Variants in GALNT17 observed in about 807,000 individuals in gnomAD.
The protein encoded by GALNT17 is UDP-GalNAc:polypeptide N-acetylgalactosaminyltransferase-like 3.
Under a neutral mutation model 63.7 loss-of-function variants are expected in GALNT17, and 29 were observed. That is an observed-to-expected ratio of 0.46 (90% CI 0.34 to 0.62). GALNT17 has a LOEUF of 0.62. Ranked by LOEUF, GALNT17 falls within the 20% of genes least tolerant of loss-of-function variation. The pLI is 0.01. For synonymous variants in GALNT17, 305 were observed against 318.3 expected (o/e 0.96, Z 0.45); for missense variants, 603 against 799.6 (o/e 0.75, Z 2.97).
intron 2 of GALNT17, among the ~76,000 whole-genome samples, chr7:71,376,639 T>C (rs1792734217): frequency 1.3e-5 from 2 of 151,750 alleles, no homozygotes; most frequent in Admixed American, 1.3e-4. Flanking sequence ...CAGGGAACTA[T>C]GGTAGAATTG....
chr7:71,481,877 A>C (rs1473594842), intron 5 of GALNT17, among the ~76,000 whole-genome samples: 1 of 152,044 alleles, frequency 6.6e-6, no homozygotes, highest in African/African-American at 2.4e-5. Context: ...TTGCTTGCTT[A>C]GGTTATAGCC....
chr7:71,680,851 CT>C (rs1164987480), intron 9 of GALNT17, among the ~76,000 whole-genome samples: 48 of 134,628 alleles, frequency 3.6e-4, no homozygotes, highest in Admixed American at 9.1e-4. Context: ...CTTTCCTTTC[CT>C]TTTTTCTTTC....
At chr7:71,227,340 G>A (rs1157010316) in intron 1 of GALNT17, among the ~76,000 whole-genome samples, 1 of 151,624 alleles carries the variant, frequency 6.6e-6, no homozygotes, top group Non-Finnish European at 1.5e-5. Flanking sequence ...CTCCAGCCTG[G>A]ATGAGAGAGC....
chr7:71,213,561 T>C (rs1310899170), intron 1 of GALNT17, among the ~76,000 whole-genome samples: 1 of 152,256 alleles, frequency 6.6e-6, no homozygotes, highest in East Asian at 1.9e-4. Flanking sequence ...ATTTACTCAG[T>C]AACCCAGCCG....
intron 5 of GALNT17, among the ~76,000 whole-genome samples, chr7:71,475,234 C>T (rs558505656): frequency 2.6e-5 from 4 of 152,252 alleles, no homozygotes; most frequent in South Asian, 2.1e-4. Flanking sequence ...AGGATGATTT[C>T]GGGATGATTC....
At chr7:71,345,675 C>T (rs1376358743) in intron 2 of GALNT17, among the ~76,000 whole-genome samples, 1 of 152,072 alleles carries the variant, frequency 6.6e-6, no homozygotes, top group Admixed American at 6.6e-5. Context: ...GCATGTGACT[C>T]GTATGTGTAT....
chr7:71,423,427 C>G (rs1298841812), intron 5 of GALNT17, among the ~76,000 whole-genome samples: 3 of 152,094 alleles, frequency 2.0e-5, no homozygotes, highest in Non-Finnish European at 4.4e-5. Flanking sequence ...ACTTGAGGAC[C>G]AAACTGACTC....
intron 1 of GALNT17, among the ~76,000 whole-genome samples, chr7:71,304,307 T>C (rs965510623): frequency 6.6e-6 from 1 of 152,232 alleles, no homozygotes; most frequent in Non-Finnish European, 1.5e-5. Flanking sequence ...CTAAGTTAAC[T>C]GAAACGGCGT....
intron 1 of GALNT17, among the ~76,000 whole-genome samples, chr7:71,217,222 A>G (rs368044801): frequency 4.8e-4 from 64 of 132,334 alleles, no homozygotes; most frequent in African/African-American, 1.7e-3. Context: ...ATGATCGCCC[A>G]CCTTGGCCTC....
In GALNT17 at chr7:71,668,375, G is replaced by T. The variant is rs571692099; in HGVS notation, c.1267-1597G>T. ...CCACTAAAAATGCAAAATTAGCTGGGTGAGGTGGCGCATGCCTTTAATTCC... is the reference window on the plus strand; with the variant it reads ...CCACTAAAAATGCAAAATTAGCTGGTTGAGGTGGCGCATGCCTTTAATTCC... On this transcript the variant is annotated intron_variant, in intron 7 of 10. Transcript: ENST00000333538. Among the ~76,000 whole-genome samples the T allele has an allele frequency of 3.8e-3, 571 of 152,084 alleles. 9 individuals carry two copies. The highest frequency in any genetic ancestry group is 0.013 in the African/African-American group (548 of 41,512).
chr7:71,280,426 C>T (rs1226561849), intron 1 of GALNT17, among the ~76,000 whole-genome samples: 1 of 152,134 alleles, frequency 6.6e-6, no homozygotes, highest in Non-Finnish European at 1.5e-5. Context: ...CCTCTACTTT[C>T]CACCTTCACC....
intron 6 of GALNT17, among the ~76,000 whole-genome samples, chr7:71,574,030 T>C (rs143917087): frequency 6.6e-6 from 1 of 152,322 alleles, no homozygotes; most frequent in Non-Finnish European, 1.5e-5. Flanking sequence ...ATTGCGTACA[T>C]GTACAACACT....
intron 1 of GALNT17, among the ~76,000 whole-genome samples, chr7:71,143,699 A>G (rs949342043): frequency 6.6e-6 from 1 of 152,022 alleles, no homozygotes; most frequent in African/African-American, 2.4e-5. Context: ...ATGTGATGTC[A>G]TGTTGCGGCT....
intron 1 of GALNT17, among the ~76,000 whole-genome samples, chr7:71,260,439 G>C (rs1000587862): frequency 6.6e-6 from 1 of 152,136 alleles, no homozygotes; most frequent in Admixed American, 6.5e-5. Context: ...CACTGTGTGA[G>C]ATCCATTTGC....
intron 1 of GALNT17, among the ~76,000 whole-genome samples, chr7:71,159,244 A>G (rs919650959): frequency 8.8e-6 from 1 of 114,160 alleles, no homozygotes; most frequent in Admixed American, 8.2e-5. Flanking sequence ...TTTAACTCAA[A>G]TGTGCCTTTT....
At chr7:71,399,191 G>A (rs976248307) in intron 3 of GALNT17, among the ~76,000 whole-genome samples, 11 of 152,110 alleles carry the variant, frequency 7.2e-5, no homozygotes, top group South Asian at 2.1e-4. Flanking sequence ...CTGAGATTGC[G>A]CCACGGCACT....
intron 5 of GALNT17, among the ~76,000 whole-genome samples, chr7:71,519,716 G>A (rs1025005937): frequency 1.3e-4 from 20 of 152,130 alleles, no homozygotes; most frequent in Middle Eastern, 3.4e-3. Flanking sequence ...CACCTGCCTC[G>A]GCCTCCCAAA....
intron 5 of GALNT17, among the ~76,000 whole-genome samples, chr7:71,515,027 C>T (rs549381218): frequency 6.6e-6 from 1 of 152,322 alleles, no homozygotes; most frequent in African/African-American, 2.4e-5. Flanking sequence ...TCTCTTGCCT[C>T]CTGCCATGTA....
intron 6 of GALNT17, among the ~76,000 whole-genome samples, chr7:71,596,542 G>A (rs558714923): frequency 6.6e-6 from 1 of 152,064 alleles, no homozygotes; most frequent in South Asian, 2.1e-4. Context: ...AGTGAAATGG[G>A]AGGGAAGAAG....
Sources: gnomAD v4.1 joint callset for allele counts (sites outside exome capture counted in the v4.1 genomes callset) on GRCh38, gnomAD v4.1.1 for gene constraint, MANE v1.5 for transcripts, NCBI Gene and HGNC (gene_info 2026-07-23, HGNC 2026-07-21) for gene names.